Variants in TOX2 observed in about 807,000 individuals in gnomAD.
TOX2 encodes the protein granulosa cell HMG box 1.
A neutral mutation model predicts 47.4 loss-of-function variants in TOX2; 15 were observed. The ratio of observed to expected loss-of-function variants is 0.32; its 90% CI spans 0.21 to 0.49. The LOEUF (loss-of-function observed/expected upper bound fraction) is 0.49, where lower values mean the gene tolerates loss of function less well. Among genes scored for constraint, TOX2 ranks in the 20% least tolerant of loss-of-function variants. The pLI is 0.99. For synonymous variants in TOX2, 290 were observed against 296.6 expected (o/e 0.98, Z 0.23); for missense variants, 622 against 673.1 (o/e 0.92, Z 0.84).
At chr20:43,935,927 CAAAAAAA>C (rs58300627) in intron 1 of TOX2, among the ~76,000 whole-genome samples, 3 of 72,038 alleles carry the variant, frequency 4.2e-5, no homozygotes, top group Admixed American at 1.8e-4. Flanking sequence ...AACTCCATCC[CAAAAAAA>C]AAAAAAAAAA....
chr20:44,053,607 T>TGC (rs1569139547), intron 4 of TOX2, among the ~76,000 whole-genome samples: 2 of 62,612 alleles, frequency 3.2e-5, no homozygotes, highest in African/African-American at 1.6e-4. Flanking sequence ...CACATATATA[T>TGC]ACATATACAC....
At chr20:43,958,728 GCTT>G (rs2069708898) in intron 1 of TOX2, among the ~76,000 whole-genome samples, 1 of 152,216 alleles carries the variant, frequency 6.6e-6, no homozygotes, top group South Asian at 2.1e-4. Context: ...GCTAAATCTG[GCTT>G]CTTCTGGAGG....
chr20:44,022,030 C>T lies in TOX2; in HGVS notation c.411+15238C>T, dbSNP rs113672614. ...GTGGTAGGGAGCAGGCTCACTTTGC[C>T]CTTAGCACGTGGCGGAAGGCCCGTC... On this transcript the variant is annotated intron_variant, in intron 3 of 8. Coordinates refer to ENST00000341197, the MANE Select transcript of TOX2 (RefSeq NM_001098797.2). Among the ~76,000 whole-genome samples, 551 of 152,314 alleles carry T rather than the reference C, an allele frequency of 3.6e-3. 2 individuals are homozygous for T. Among genetic ancestry groups the T allele is most frequent in the African/African-American group, 0.013 (521 of 41,558 alleles).
chr20:43,997,741 C>G (rs746447511), intron 2 of TOX2, among the ~76,000 whole-genome samples: 43 of 152,234 alleles, frequency 2.8e-4, no homozygotes, highest in Non-Finnish European at 4.9e-4. Flanking sequence ...CTAATAAATT[C>G]ATTTTGATAA....
chr20:44,066,080 G>C lies in TOX2; in HGVS notation c.1329G>C (p.Ala443=). 6.4e-7 allele frequency: 1 copy of C among 1,565,350 alleles called. No homozygotes were observed. The highest frequency in any genetic ancestry group is 8.7e-7 in the Non-Finnish European group (1 of 1,155,824). The part of the protein sequence containing the change: ...PTPMALQVQL[A]MSPSPPGPQD... ...CCATGGCACTCCAGGTGCAGCTGGCGATGAGCCCCTCACCTCCAGGGCCAC... is the reference window on the plus strand; with the variant it reads ...CCATGGCACTCCAGGTGCAGCTGGCCATGAGCCCCTCACCTCCAGGGCCAC... Residue 443 remains alanine (A), a synonymous_variant, in exon 7 of 9, where the codon GCG becomes GCC. Coordinates refer to ENST00000341197, the MANE Select transcript of TOX2 (RefSeq NM_001098797.2).
At chr20:44,042,160 C>T (rs1462234673) in intron 3 of TOX2, among the ~76,000 whole-genome samples, 4 of 152,198 alleles carry the variant, frequency 2.6e-5, no homozygotes, top group East Asian at 1.9e-4. Flanking sequence ...GCACGTCTTA[C>T]GTGGCGGCAG....
chr20:44,055,436 C>A (rs1434136110), intron 5 of TOX2, among the ~76,000 whole-genome samples: 1 of 152,022 alleles, frequency 6.6e-6, no homozygotes, highest in Non-Finnish European at 1.5e-5. Context: ...ACAGGGAGGC[C>A]TGGTAAGGAA....
chr20:43,920,527 A>G (rs1281944864), intron 1 of TOX2, among the ~76,000 whole-genome samples: 3 of 152,100 alleles, frequency 2.0e-5, no homozygotes, highest in Non-Finnish European at 4.4e-5. Flanking sequence ...GGATGTCTGC[A>G]TCTCTGCTAG....
chr20:43,941,395 C>G (rs962204053), intron 1 of TOX2, among the ~76,000 whole-genome samples: 1 of 151,070 alleles, frequency 6.6e-6, no homozygotes, highest in Non-Finnish European at 1.5e-5. Context: ...TACAATGGCG[C>G]GATCTCGGCT....
At chr20:43,972,236 C>T (rs1019335479) in intron 1 of TOX2, among the ~76,000 whole-genome samples, 1 of 152,150 alleles carries the variant, frequency 6.6e-6, no homozygotes, top group African/African-American at 2.4e-5. Context: ...AGCCCATGGC[C>T]TATGACTTCC....
At chr20:43,988,701 G>C (rs1435728625) in intron 2 of TOX2, among the ~76,000 whole-genome samples, 1 of 152,178 alleles carries the variant, frequency 6.6e-6, no homozygotes. Flanking sequence ...CTAATATCTG[G>C]TGATGAACAA....
At position 43,915,609 on chromosome 20, in the gene TOX2, C is replaced by A. The variant is rs182597546; in HGVS notation, c.99+619C>A. ...GATCGTCCTGACGGCCACACAGTCA[C>A]ACGCGGTCACACCCAGGGACGGCCA... On this transcript the variant is annotated intron_variant, in intron 1 of 8. Transcript: ENST00000341197. The surrounding 1 kb of genome is among the most constrained non-coding windows in gnomAD (Gnocchi z 7.1). Among the ~76,000 whole-genome samples the A allele has an allele frequency of 1.8e-4, 28 of 152,350 alleles. No individual in the cohort carries two copies. The highest frequency in any genetic ancestry group is 6.5e-4 in the African/African-American group (27 of 41,580).
intron 1 of TOX2, among the ~76,000 whole-genome samples, chr20:43,930,427 G>T (rs2069237489): frequency 6.6e-6 from 1 of 152,216 alleles, no homozygotes; most frequent in South Asian, 2.1e-4. Flanking sequence ...TGAGTCCAAG[G>T]AGGAAAGTTG....
In TOX2 at chr20:44,016,963, A is replaced by C. The variant is rs1300680668; in HGVS notation, c.411+10171A>C. Reference sequence around the variant, plus strand: ...AAACCATGATGAACAACATATCAGAAATGTAAATTAAGGTGGGATCAGTCT... The same window carrying C: ...AAACCATGATGAACAACATATCAGACATGTAAATTAAGGTGGGATCAGTCT... On this transcript the variant is annotated intron_variant, in intron 3 of 8. Transcript: ENST00000341197. Among the ~76,000 whole-genome samples, 3 of 152,358 alleles carry C rather than the reference A, an allele frequency of 2.0e-5. No individual in the cohort carries two copies. In the South Asian group the frequency reaches 6.2e-4, roughly 32 times the overall value.
At chr20:43,946,295 A>ATCATTCATTCAT (rs111479360) in intron 1 of TOX2, among the ~76,000 whole-genome samples, 3 of 151,890 alleles carry the variant, frequency 2.0e-5, no homozygotes, top group African/African-American at 7.3e-5. Flanking sequence ...GCTGCTCAGG[A>ATCATTCATTCAT]TCATTCATTC....
At chr20:44,066,903 G>C in intron 8 of TOX2, 46 bp downstream of exon 8, 1 of 1,583,028 alleles carries the variant, frequency 6.3e-7, no homozygotes, top group Non-Finnish European at 8.6e-7. Context: ...GCCAGGGAGA[G>C]TGGGAACAGG....
chr20:43,997,066 T>A (rs139424960), intron 2 of TOX2, among the ~76,000 whole-genome samples: 2 of 152,296 alleles, frequency 1.3e-5, no homozygotes, highest in East Asian at 3.9e-4. Flanking sequence ...ATACTCCAAC[T>A]CTCAACAAGC....
chr20:43,928,441 C>T (rs1054456824), intron 1 of TOX2, among the ~76,000 whole-genome samples: 4 of 152,254 alleles, frequency 2.6e-5, no homozygotes, highest in African/African-American at 9.6e-5. Context: ...TTTCCTGCAG[C>T]TGCTCTTGTG....
chr20:43,938,518 C>A (rs117794579), intron 1 of TOX2, among the ~76,000 whole-genome samples: 541 of 152,326 alleles, frequency 3.6e-3, no homozygotes, highest in Non-Finnish European at 6.1e-3. Flanking sequence ...TATCAGGATA[C>A]TGCTGGATGT....
Sources: gnomAD v4.1 joint callset for allele counts (sites outside exome capture counted in the v4.1 genomes callset) on GRCh38, gnomAD v4.1.1 for gene constraint, Gnocchi (gnomAD v3.1) non-coding constraint, MANE v1.5 for transcripts, NCBI Gene and HGNC (gene_info 2026-07-23, HGNC 2026-07-21) for gene names.